The following BABAM2 variants were observed in gnomAD, a reference collection of about 807,000 sequenced individuals.
The protein encoded by BABAM2 is BRISC and BRCA1 A complex member 2.
BABAM2 carries 31 observed loss-of-function variants against 54.7 expected under a neutral mutation model. The ratio of observed to expected loss-of-function variants is 0.57; its 90% CI spans 0.43 to 0.77. The LOEUF is 0.77. Ranked by LOEUF, BABAM2 falls within the 30% of genes least tolerant of loss-of-function variation. The pLI is 0.00. For missense variants in BABAM2, 364 were observed against 455.8 expected, an observed-to-expected ratio of 0.80 and a Z score of 1.83; for synonymous variants, 167 against 162.9, an observed-to-expected ratio of 1.03 and a Z score of -0.19.
rs565277598 is a variant in BABAM2 at position 27,989,449 on chromosome 2, G to A, written c.300+1362G>A. Among the ~76,000 whole-genome samples, 16 of 152,312 alleles carry A rather than the reference G, an allele frequency of 1.1e-4. No individual in the cohort carries two copies. The East Asian group carries it at 3.1e-3, about 29-fold the overall frequency. The stretch of plus-strand genomic sequence containing the variant: ...AATGACATAAGCACATTGGGGGAAT[G>A]ACATAAGCACATTGGAAGTAGCTAG... On this transcript the variant is annotated intron_variant, in intron 4 of 11. Coordinates refer to ENST00000379624, the MANE Select transcript of BABAM2 (RefSeq NM_199191.3).
intron 5 of BABAM2, among the ~76,000 whole-genome samples, chr2:28,044,851 G>A (rs1677436073): frequency 6.6e-6 from 1 of 152,088 alleles, no homozygotes; most frequent in Non-Finnish European, 1.5e-5. Context: ...AGGCTGAGCT[G>A]CACACTTGCA....
At chr2:27,934,894 A>C (rs1668380752) in intron 3 of BABAM2, among the ~76,000 whole-genome samples, 1 of 152,224 alleles carries the variant, frequency 6.6e-6, no homozygotes, top group Admixed American at 6.5e-5. Context: ...AAGTTGGTTC[A>C]TGAGATTTAA....
intron 6 of BABAM2, among the ~76,000 whole-genome samples, chr2:28,106,980 T>A (rs976793205): frequency 6.6e-6 from 1 of 152,220 alleles, no homozygotes; most frequent in African/African-American, 2.4e-5. Context: ...CATTCTGTTT[T>A]TCTCTTTATG....
chr2:27,909,910 T>A (rs1170123315), intron 2 of BABAM2, among the ~76,000 whole-genome samples: 1 of 152,192 alleles, frequency 6.6e-6, no homozygotes, highest in Non-Finnish European at 1.5e-5. Flanking sequence ...TAACAATAGC[T>A]GTTATCATTA....
chr2:27,909,806 T>C (rs1666447137), intron 2 of BABAM2, among the ~76,000 whole-genome samples: 1 of 152,252 alleles, frequency 6.6e-6, no homozygotes, highest in African/African-American at 2.4e-5. Context: ...TTATAAAATA[T>C]CACTCATTGT....
chr2:28,129,180 C>T, intron 6 of BABAM2, 91 bp from the exon 7 acceptor site: 2 of 1,215,870 alleles, frequency 1.6e-6, no homozygotes, highest in Non-Finnish European at 1.2e-6. Context: ...AACTCACAGT[C>T]ATGGCTTCAA....
intron 10 of BABAM2, among the ~76,000 whole-genome samples, chr2:28,290,215 G>T (rs1223938864): frequency 6.6e-6 from 1 of 152,166 alleles, no homozygotes; most frequent in Non-Finnish European, 1.5e-5. Flanking sequence ...TAGGCACAAT[G>T]TATTTATCCG....
At chr2:28,238,142 G>A (rs1455254634) in intron 8 of BABAM2, among the ~76,000 whole-genome samples, 3 of 152,268 alleles carry the variant, frequency 2.0e-5, no homozygotes, top group Admixed American at 6.5e-5. Flanking sequence ...GAGCCACCGC[G>A]CCCAGCCAGT....
intron 7 of BABAM2, among the ~76,000 whole-genome samples, chr2:28,236,652 C>T (rs1681943854): frequency 6.6e-6 from 1 of 152,200 alleles, no homozygotes; most frequent in Non-Finnish European, 1.5e-5. Flanking sequence ...AGGCGTGAGC[C>T]ACCATGCCTG....
chr2:27,917,014 CTTTTTTT>C (rs753765833), intron 2 of BABAM2, among the ~76,000 whole-genome samples: 1 of 90,108 alleles, frequency 1.1e-5, no homozygotes, highest in African/African-American at 4.1e-5. Context: ...TCACTCCAAA[CTTTTTTT>C]TTTTTTTTTT....
chr2:28,229,585 T>C (rs1021771101), intron 7 of BABAM2, among the ~76,000 whole-genome samples: 1 of 59,428 alleles, frequency 1.7e-5, no homozygotes, highest in Non-Finnish European at 3.6e-5. Flanking sequence ...TGCCTTCTTT[T>C]TTTCTTTTTT....
intron 7 of BABAM2, among the ~76,000 whole-genome samples, chr2:28,182,872 T>A (rs1269331031): frequency 6.6e-6 from 1 of 152,232 alleles, no homozygotes; most frequent in African/African-American, 2.4e-5. Flanking sequence ...GTTGTTTGAT[T>A]AGTCTGAGAG....
chr2:28,062,714 C>G (rs1345867934), intron 6 of BABAM2, among the ~76,000 whole-genome samples: 1 of 152,158 alleles, frequency 6.6e-6, no homozygotes, highest in Non-Finnish European at 1.5e-5. Context: ...TCACCAATTG[C>G]TCTTTGAAAT....
At chr2:27,945,983 T>G (rs1193624454) in intron 3 of BABAM2, among the ~76,000 whole-genome samples, 1 of 152,170 alleles carries the variant, frequency 6.6e-6, no homozygotes, top group Admixed American at 6.5e-5. Flanking sequence ...GTTTTGTATC[T>G]TCCTTTCCAA....
chr2:27,929,769 G>A (rs1322917088), intron 2 of BABAM2, 63 bp from the exon 3 acceptor site: 8 of 1,429,764 alleles, frequency 5.6e-6, no homozygotes, highest in Non-Finnish European at 7.8e-6. Flanking sequence ...TCATAAACAT[G>A]TGGGTTTTTA....
At chr2:28,260,536 A>G (rs2148131040) in intron 10 of BABAM2, among the ~76,000 whole-genome samples, 1 of 149,376 alleles carries the variant, frequency 6.7e-6, no homozygotes, top group South Asian at 2.1e-4. Flanking sequence ...TCCTAACCTC[A>G]GGTGATCCAC....
At chr2:28,196,021 A>G (rs1677494301) in intron 7 of BABAM2, among the ~76,000 whole-genome samples, 1 of 152,178 alleles carries the variant, frequency 6.6e-6, no homozygotes, top group South Asian at 2.1e-4. Flanking sequence ...AACAGTGTAC[A>G]ATGAACTCAA....
At chr2:28,321,741 G>A (rs1448472909) in intron 11 of BABAM2, among the ~76,000 whole-genome samples, 2 of 152,128 alleles carry the variant, frequency 1.3e-5, no homozygotes, top group East Asian at 3.9e-4. Flanking sequence ...TCTAGGGAGT[G>A]TTGGTTTCCC....
chr2:28,165,854 C>T (rs1244195971), intron 7 of BABAM2, among the ~76,000 whole-genome samples: 2 of 152,042 alleles, frequency 1.3e-5, no homozygotes, highest in African/African-American at 4.8e-5. Context: ...GGCTTTTAAG[C>T]AGAGAAAATG....
Sources: gnomAD v4.1 joint callset for allele counts (sites outside exome capture counted in the v4.1 genomes callset) on GRCh38, gnomAD v4.1.1 for gene constraint, MANE v1.5 for transcripts, NCBI Gene and HGNC (gene_info 2026-07-23, HGNC 2026-07-21) for gene names.